Variants in USP10 observed in about 807,000 individuals in gnomAD.
The protein encoded by USP10 is ubiquitin carboxyl-terminal hydrolase 10.
A neutral mutation model predicts 84.5 loss-of-function variants in USP10; 22 were observed. The observed-to-expected ratio is 0.26, with a 90% confidence interval of 0.19 to 0.37. USP10 has a LOEUF of 0.37. USP10 is among the 10% of genes least tolerant of loss of function. The probability of loss-of-function intolerance (pLI) is 1.00; values close to 1 mark genes in which losing one functional copy is unlikely to be tolerated. For synonymous variants in USP10, 454 were observed against 387.6 expected, an observed-to-expected ratio of 1.17 and a Z score of -2.01; for missense variants, 1,019 against 998.9, an observed-to-expected ratio of 1.02 and a Z score of -0.27.
intron 1 of USP10, among the ~76,000 whole-genome samples, chr16:84,726,159 A>G (rs1314603904): frequency 6.6e-6 from 1 of 152,216 alleles, no homozygotes; most frequent in African/African-American, 2.4e-5. Context: ...CAACCTGCAT[A>G]TTTATTCAAA....
intron 4 of USP10, among the ~76,000 whole-genome samples, chr16:84,758,235 C>T (rs1035747958): frequency 2.6e-5 from 4 of 152,170 alleles, no homozygotes; most frequent in African/African-American, 9.7e-5. Flanking sequence ...CCATTGAACA[C>T]ACACAGTGAT....
intron 4 of USP10, among the ~76,000 whole-genome samples, chr16:84,757,790 C>T (rs1053354771): frequency 6.6e-6 from 1 of 152,108 alleles, no homozygotes; most frequent in Non-Finnish European, 1.5e-5. Context: ...CCTGTGTGAT[C>T]ACAGGTGAGT....
At chr16:84,717,168 C>G (rs775242401) in intron 1 of USP10, among the ~76,000 whole-genome samples, 9 of 152,112 alleles carry the variant, frequency 5.9e-5, no homozygotes, top group Non-Finnish European at 1.2e-4. Flanking sequence ...CTTTGAGTAG[C>G]AGGTCGTATT....
chr16:84,714,336 G>C (rs902898080), intron 1 of USP10, among the ~76,000 whole-genome samples: 3 of 152,158 alleles, frequency 2.0e-5, no homozygotes, highest in Non-Finnish European at 4.4e-5. Context: ...CTTTTTTAGA[G>C]ATGGGGTCTG....
At chr16:84,742,830 A>G (rs1368213230) in intron 3 of USP10, among the ~76,000 whole-genome samples, 4 of 152,224 alleles carry the variant, frequency 2.6e-5, no homozygotes, top group African/African-American at 9.6e-5. Flanking sequence ...GATACTAATT[A>G]TAACATACTG....
At position 84,763,227 on chromosome 16, in the gene USP10, C is replaced by G. The variant is rs535289940; in HGVS notation, c.1654+139C>G. 13 of 500,120 alleles carry G rather than the reference C, an allele frequency of 2.6e-5. No homozygotes were observed. In the South Asian group the frequency reaches 3.0e-4, roughly 12 times the overall value. 31.0% of individuals were successfully genotyped at this position (500,120 alleles called of 1,614,324 possible). ...CATTTATTCCCTACGATAACTTACA[C>G]CATCGAGAAGGTTATATTTAGGTAA... On this transcript the variant is annotated intron_variant, in intron 9 of 13. Coordinates refer to ENST00000219473, the MANE Select transcript of USP10 (RefSeq NM_005153.3).
At chr16:84,747,586 G>A (rs1325733540) in intron 4 of USP10, among the ~76,000 whole-genome samples, 1 of 88,504 alleles carries the variant, frequency 1.1e-5, no homozygotes, top group African/African-American at 4.3e-5. Flanking sequence ...TTTTTGAGAT[G>A]CAGTCTCACT....
intron 11 of USP10, 101 bp from the exon 12 acceptor site, chr16:84,772,440 G>A (rs745918448): frequency 5.3e-5 from 81 of 1,533,066 alleles, no homozygotes; most frequent in Non-Finnish European, 7.0e-5. Flanking sequence ...GGACTCTTGG[G>A]CCTCACCTCT....
At chr16:84,714,832 C>T (rs1312239398) in intron 1 of USP10, among the ~76,000 whole-genome samples, 2 of 151,418 alleles carry the variant, frequency 1.3e-5, no homozygotes, top group African/African-American at 4.8e-5. Flanking sequence ...ATATTTAAAA[C>T]ATGAATTTTT....
chr16:84,764,939 A>AAAATATATAT lies in USP10; in HGVS notation c.1832+677_1832+678insAATATATATA, dbSNP rs370383030. ...TAACCACGAGAGAGAGAGAAAAAAA[A>AAAATATATAT]ATATATATATATATATTAGACTTCA... is the stretch of plus-strand genomic sequence containing the variant. On this transcript the variant is annotated intron_variant, in intron 10 of 13. Coordinates refer to ENST00000219473, the MANE Select transcript of USP10 (RefSeq NM_005153.3). Among the ~76,000 whole-genome samples the AAAATATATAT allele has an allele frequency of 3.2e-3, 428 of 132,244 alleles. 3 individuals carry two copies. The highest frequency in any genetic ancestry group is 0.01 in the African/African-American group (373 of 35,576). 86.8% of individuals were successfully genotyped at this position (132,244 alleles called of 152,430 possible). A position where few individuals can be genotyped will look rare whatever the true frequency, so the allele number is the denominator to read the frequency against.
chr16:84,723,402 T>A (rs912456614), intron 1 of USP10, among the ~76,000 whole-genome samples: 1 of 152,194 alleles, frequency 6.6e-6, no homozygotes, highest in African/African-American at 2.4e-5. Flanking sequence ...AGATTATATT[T>A]GAGAATGAAA....
chr16:84,766,076 C>T (rs1004107383), intron 10 of USP10, among the ~76,000 whole-genome samples: 2 of 152,186 alleles, frequency 1.3e-5, no homozygotes, highest in African/African-American at 4.8e-5. Flanking sequence ...TGCTGCGTAC[C>T]TGAAAGAAAG....
rs1051748358 is a variant in USP10 at position 84,775,894 on chromosome 16, A to G, written c.2209+669A>G. On this transcript the variant is annotated intron_variant, in intron 13 of 13. Coordinates refer to ENST00000219473, the MANE Select transcript of USP10 (RefSeq NM_005153.3). ...TTTCTCTTTTATAGCGTCATCTTTT[A>G]TGCCTCTGAGTCTTTACCTCTTTGG... Among the ~76,000 whole-genome samples, 16 of 71,726 alleles carry G rather than the reference A, an allele frequency of 2.2e-4. 1 individual carries two copies. Among genetic ancestry groups the G allele is most frequent in the Non-Finnish European group, 6.3e-4 (15 of 23,874 alleles). 47.1% of individuals were successfully genotyped at this position (71,726 alleles called of 152,430 possible). A position where few individuals can be genotyped will look rare whatever the true frequency, so the allele number is the denominator to read the frequency against.
At chr16:84,768,707 A>C (rs1331548006) in intron 11 of USP10, among the ~76,000 whole-genome samples, 1 of 152,182 alleles carries the variant, frequency 6.6e-6, no homozygotes, top group Admixed American at 6.5e-5. Flanking sequence ...GTAGGGTACA[A>C]CTGTCATTAG....
At chr16:84,708,254 A>G (rs1905808225) in intron 1 of USP10, among the ~76,000 whole-genome samples, 1 of 152,154 alleles carries the variant, frequency 6.6e-6, no homozygotes, top group African/African-American at 2.4e-5. Context: ...GTTTGAGACC[A>G]TCCTGGCCAA....
chr16:84,745,582 C>T lies in USP10; in HGVS notation c.1101C>T (p.Pro367=), dbSNP rs1250620386. 33 of 1,612,378 alleles carry T rather than the reference C, an allele frequency of 2.0e-5. No homozygotes were observed. The highest frequency in any genetic ancestry group is 9.3e-5 in the African/African-American group (7 of 74,884). The part of the protein sequence containing the change: ...VAYVETKYSP[P]AISPLVSEKQ... Reference sequence around the variant, plus strand: ...ATGTGGAAACTAAGTATTCCCCTCCCGCCATATCTCCCCTGGTTTCTGAAA... The same window carrying T: ...ATGTGGAAACTAAGTATTCCCCTCCTGCCATATCTCCCCTGGTTTCTGAAA... Residue 367 remains proline (P), a synonymous_variant, in exon 4 of 14, where the codon CCC becomes CCT. Transcript: ENST00000219473.
rs1435718635 is a variant in USP10 at position 84,772,728 on chromosome 16, C to G, written c.2143+43C>G. The stretch of plus-strand genomic sequence containing the variant: ...TCGGGAGTGTTCGTGGTGACACACT[C>G]CTGCACATCAGAAGCTCAACCCTGT... On this transcript the variant is annotated intron_variant, in intron 12 of 13. Transcript: ENST00000219473. The G allele has an allele frequency of 3.1e-6, 5 of 1,604,310 alleles. No individual in the cohort carries two copies. The East Asian group carries it at 8.9e-5, about 29-fold the overall frequency.
chr16:84,717,278 A>G lies in USP10; in HGVS notation c.22-16157A>G, dbSNP rs192724691. 3.3e-3 allele frequency among the ~76,000 whole-genome samples: 498 copies of G among 151,752 alleles called. 2 individuals carry two copies. Among genetic ancestry groups the G allele is most frequent in the Non-Finnish European group, 5.5e-3 (372 of 67,876 alleles). ...GGGGTGGGCCTAATTCCCTTACATC[A>G]GTTTCTCGGGAGGTCTGCTGCCACC... On this transcript the variant is annotated intron_variant, in intron 1 of 13. Coordinates refer to ENST00000219473, the MANE Select transcript of USP10 (RefSeq NM_005153.3).
chr16:84,772,743 C>T (rs1914590217), intron 12 of USP10, 58 bp downstream of exon 12: 1 of 1,595,140 alleles, frequency 6.3e-7, no homozygotes, highest in Admixed American at 1.7e-5. Flanking sequence ...ACATCAGAAG[C>T]TCAACCCTGT....
Sources: allele counts gnomAD v4.1 joint callset (sites outside exome capture counted in the v4.1 genomes callset), GRCh38; gene constraint gnomAD v4.1.1; transcripts MANE v1.5; gene names NCBI Gene and HGNC (gene_info 2026-07-23, HGNC 2026-07-21).